The following GNL3L variants were observed in gnomAD, a reference collection of about 807,000 sequenced individuals.
GNL3L encodes the protein guanine nucleotide-binding protein-like 3-like protein.
Under a neutral mutation model 42.9 loss-of-function variants are expected in GNL3L, and 4 were observed. That is an observed-to-expected ratio of 0.09 (90% CI 0.05 to 0.21). GNL3L has a LOEUF of 0.21. Among genes scored for constraint, GNL3L ranks in the 10% least tolerant of loss-of-function variants. The probability of loss-of-function intolerance (pLI) is 1.00; values close to 1 mark genes in which losing one functional copy is unlikely to be tolerated. For missense variants in GNL3L, 412 were observed against 481.7 expected, an observed-to-expected ratio of 0.86 and a Z score of 1.36; for synonymous variants, 159 against 176.3, an observed-to-expected ratio of 0.90 and a Z score of 0.78.
At chrX:54,585,198 C>T (rs1400282375) in intron 16 of GNL3L, among the ~76,000 whole-genome samples, 1 of 112,234 alleles carries the variant, frequency 8.9e-6, no homozygotes, top group Non-Finnish European at 1.9e-5. Flanking sequence ...CATCTATGTT[C>T]ATTGAGGATA....
chrX:54,630,655 C>CTCCTACCT, the GNL3L span, among the ~76,000 whole-genome samples: 1 of 49,435 alleles, frequency 2.0e-5, no homozygotes, highest in Admixed American at 2.6e-4. Flanking sequence ...GTTTTCTTTT[C>CTCCTACCT]TCCTTCTTTC....
intron 16 of GNL3L, among the ~76,000 whole-genome samples, chrX:54,607,230 TGTA>T (rs1253135115): frequency 3.1e-5 from 3 of 96,640 alleles, no homozygotes; most frequent in East Asian, 3.3e-4. Flanking sequence ...AAGTCGGAAA[TGTA>T]GTAGGAGAAC....
rs780572032 is a variant in GNL3L at position 54,590,042 on chromosome X, C to T, written c.*45+29395C>T. Among the ~76,000 whole-genome samples, 5 of 110,416 alleles carry T rather than the reference C, an allele frequency of 4.5e-5. No individual in the cohort carries two copies. In the East Asian group the frequency reaches 1.4e-3, roughly 31 times the overall value. On this transcript the variant is annotated intron_variant, in intron 16 of 16. Transcript: ENST00000674498. Reference sequence around the variant, plus strand: ...GCAACCTCTGCCTCCCAGGTTCAAGCGATTCTCCTGCCTCAGCCTCCCGAG... The same window carrying T: ...GCAACCTCTGCCTCCCAGGTTCAAGTGATTCTCCTGCCTCAGCCTCCCGAG...
chrX:54,582,930 G>A (rs1925735992), intron 16 of GNL3L, among the ~76,000 whole-genome samples: 1 of 111,811 alleles, frequency 8.9e-6, no homozygotes, highest in Admixed American at 9.5e-5. Flanking sequence ...CATCTTTTAT[G>A]TATTTATCTG....
downstream of GNL3L, among the ~76,000 whole-genome samples, chrX:54,622,388 G>A (rs1218071756): frequency 2.0e-5 from 2 of 101,163 alleles, no homozygotes; most frequent in Admixed American, 1.1e-4. Flanking sequence ...GGGTTCAAGC[G>A]ATTCTCCTGC....
intron 16 of GNL3L, among the ~76,000 whole-genome samples, chrX:54,590,601 C>T (rs1349656898): frequency 9.0e-6 from 1 of 110,818 alleles, no homozygotes; most frequent in Non-Finnish European, 1.9e-5. Flanking sequence ...GATCATTTCC[C>T]TTGCTGTACA....
In GNL3L at chrX:54,562,435, G is replaced by A. The variant is rs1925295843; in HGVS notation, c.*1833G>A. On this transcript the variant is annotated 3_prime_UTR_variant, in exon 16 of 16. Transcript: ENST00000360845. Reference sequence around the variant, plus strand: ...CCTAAGAGTGGAACCATGTGACAAGGACTGGAGTGCCATTGGCTGTGGACT... The same window carrying A: ...CCTAAGAGTGGAACCATGTGACAAGAACTGGAGTGCCATTGGCTGTGGACT... 9.0e-6 allele frequency among the ~76,000 whole-genome samples: 1 copy of A among 111,372 alleles called. No individual in the cohort carries two copies. Among genetic ancestry groups the A allele is most frequent in the Non-Finnish European group, 1.9e-5 (1 of 53,117 alleles).
downstream of GNL3L, among the ~76,000 whole-genome samples, chrX:54,623,649 C>T (rs1217846116): frequency 8.9e-6 from 1 of 112,049 alleles, no homozygotes; most frequent in Non-Finnish European, 1.9e-5. Context: ...AATCTTCCTA[C>T]CCATTAACAT....
intron 2 of GNL3L, among the ~76,000 whole-genome samples, chrX:54,533,117 G>A (rs115209402): frequency 0.031 from 3,477 of 111,535 alleles, 134 homozygotes; most frequent in African/African-American, 0.11. Flanking sequence ...AGCTTAGCAA[G>A]GTTAAGTGAC....
In GNL3L at chrX:54,573,329, C is replaced by T. The variant is rs762253237; in HGVS notation, c.*45+12682C>T. 4.2e-3 allele frequency among the ~76,000 whole-genome samples: 473 copies of T among 112,914 alleles called. 3 individuals carry two copies. The highest frequency in any genetic ancestry group is 0.014 in the African/African-American group (444 of 31,119). On this transcript the variant is annotated intron_variant, in intron 16 of 16. Coordinates refer to the GNL3L transcript ENST00000674498. ...GAGGCCGAGGCTGGCGGATCACTCG[C>T]GGTTAGGAGCTGGAGACCAGCCCGG...
At position 54,588,652 on chromosome X, in the gene GNL3L, C is replaced by G. The variant is rs537296390; in HGVS notation, c.*45+28005C>G. 5.4e-5 allele frequency among the ~76,000 whole-genome samples: 6 copies of G among 110,995 alleles called. No individual in the cohort carries two copies. In the South Asian group the frequency reaches 1.5e-3, roughly 28 times the overall value. ...CCAGCCTGGCCAATGTGGTGAAACC[C>G]TGTCTCTACTAAAAATACAAAAACT... is the stretch of plus-strand genomic sequence containing the variant. On this transcript the variant is annotated intron_variant, in intron 16 of 16. Transcript: ENST00000674498.
At chrX:54,632,824 G>T in the GNL3L span, among the ~76,000 whole-genome samples, 1 of 111,531 alleles carries the variant, frequency 9.0e-6, no homozygotes, top group Admixed American at 9.5e-5. Flanking sequence ...GATCTTTTGG[G>T]TGTGTTATAG....
downstream of GNL3L, among the ~76,000 whole-genome samples, chrX:54,625,740 A>G (rs925905886): frequency 8.1e-5 from 9 of 111,551 alleles, no homozygotes; most frequent in African/African-American, 2.6e-4. Flanking sequence ...ATGACATCAA[A>G]GCCAAAAGTC....
At chrX:54,552,197 C>T (rs1023818316) in intron 12 of GNL3L, 95 bp from the exon 13 acceptor site, 42 of 950,208 alleles carry the variant, frequency 4.4e-5, no homozygotes, top group African/African-American at 1.2e-4. Context: ...TTTCTTGTTC[C>T]GTTGCTGTTT....
At position 54,601,434 on chromosome X, in the gene GNL3L, C is replaced by T. The variant is rs750822184; in HGVS notation, c.*46-19411C>T. Among the ~76,000 whole-genome samples, 11 of 111,602 alleles carry T rather than the reference C, an allele frequency of 9.9e-5. No homozygotes were observed. The South Asian group carries it at 4.1e-3, about 42-fold the overall frequency. Reference sequence around the variant, plus strand: ...TTAACACGCTGTATTTCCTCAGGTTCCAACATCTCTAGCCAGTATGCTTTT... The same window carrying T: ...TTAACACGCTGTATTTCCTCAGGTTTCAACATCTCTAGCCAGTATGCTTTT... On this transcript the variant is annotated intron_variant, in intron 16 of 16. Coordinates refer to the GNL3L transcript ENST00000674498.
At chrX:54,558,185 C>T (rs1196722866) in intron 14 of GNL3L, among the ~76,000 whole-genome samples, 1 of 111,169 alleles carries the variant, frequency 9.0e-6, no homozygotes, top group East Asian at 2.8e-4. Context: ...CCTGGCCTAC[C>T]TTTTCATTTT....
At chrX:54,582,669 G>T (rs780294098) in intron 16 of GNL3L, among the ~76,000 whole-genome samples, 4 of 112,438 alleles carry the variant, frequency 3.6e-5, no homozygotes, top group Admixed American at 9.4e-5. Flanking sequence ...TGCAACCTCT[G>T]CCTCCTGGGT....
intron 16 of GNL3L, among the ~76,000 whole-genome samples, chrX:54,572,950 C>T (rs1312310700): frequency 2.8e-5 from 3 of 107,366 alleles, no homozygotes; most frequent in Non-Finnish European, 3.9e-5. Flanking sequence ...AGACGATGGG[C>T]GGCCAGGCAG....
intron 14 of GNL3L, among the ~76,000 whole-genome samples, chrX:54,558,024 C>T (rs776651568): frequency 1.8e-5 from 2 of 110,809 alleles, no homozygotes; most frequent in Non-Finnish European, 3.8e-5. Context: ...GCTAGGACTA[C>T]AGGCGTGTGC....
Sources: allele counts gnomAD v4.1 joint callset (sites outside exome capture counted in the v4.1 genomes callset), GRCh38; gene constraint gnomAD v4.1.1; transcripts MANE v1.5; gene names NCBI Gene and HGNC (gene_info 2026-07-23, HGNC 2026-07-21).